SCARA5: variants seen among roughly 807,000 people sequenced by gnomAD.
SCARA5 encodes the protein scavenger receptor class A member 5, also known as scavenger receptor class A, member 5 (putative).
A neutral mutation model predicts 46.3 loss-of-function variants in SCARA5; 45 were observed. The observed-to-expected ratio is 0.97, with a 90% CI of 0.76 to 1.24. The LOEUF (loss-of-function observed/expected upper bound fraction) is 1.24, where lower values mean the gene tolerates loss of function less well. SCARA5 is among the 50% of genes most tolerant of loss of function. The pLI, the probability that SCARA5 is intolerant of heterozygous loss-of-function variation, is 0.00. For synonymous variants in SCARA5, 333 were observed against 306.5 expected (o/e 1.09, Z -0.90); for missense variants, 680 against 689.0 (o/e 0.99, Z 0.15).
At chr8:27,936,149 T>C (rs1215395101) in intron 3 of SCARA5, among the ~76,000 whole-genome samples, 1 of 152,066 alleles carries the variant, frequency 6.6e-6, no homozygotes, top group African/African-American at 2.4e-5. Flanking sequence ...ACTTTCCTTC[T>C]CTGCACAGGT....
intron 3 of SCARA5, among the ~76,000 whole-genome samples, chr8:27,929,918 G>A (rs1175954047): frequency 6.6e-6 from 1 of 152,100 alleles, no homozygotes; most frequent in Non-Finnish European, 1.5e-5. Context: ...ATCTCCAAAA[G>A]CCCTGCTGCC....
At chr8:27,882,429 T>G (rs886678449) in intron 7 of SCARA5, among the ~76,000 whole-genome samples, 11 of 152,160 alleles carry the variant, frequency 7.2e-5, no homozygotes, top group Admixed American at 6.5e-4. Flanking sequence ...ATTACCAGAT[T>G]TCTCTCCACT....
At chr8:27,884,426 C>A (rs1291747514) in intron 7 of SCARA5, among the ~76,000 whole-genome samples, 1 of 152,232 alleles carries the variant, frequency 6.6e-6, no homozygotes, top group African/African-American at 2.4e-5. Context: ...GGGGCCTTGG[C>A]CCTGGGTTGG....
At chr8:27,987,880 G>A (rs1052218412) in intron 1 of SCARA5, among the ~76,000 whole-genome samples, 1 of 152,188 alleles carries the variant, frequency 6.6e-6, no homozygotes, top group African/African-American at 2.4e-5. Context: ...CCTTTCTGAT[G>A]GTGGGATGTG....
At chr8:27,944,733 G>T (rs2129881035) in intron 3 of SCARA5, among the ~76,000 whole-genome samples, 1 of 151,018 alleles carries the variant, frequency 6.6e-6, no homozygotes, top group African/African-American at 2.4e-5. Flanking sequence ...AGCTGGGCAT[G>T]GTGGCAGTTG....
chr8:27,884,528 CAGCAAGTAG>C (rs1292586326), intron 7 of SCARA5, among the ~76,000 whole-genome samples: 1 of 152,244 alleles, frequency 6.6e-6, no homozygotes, highest in Non-Finnish European at 1.5e-5. Flanking sequence ...AGTGTGGGGT[CAGCAAGTAG>C]GGCAAGAAGT....
chr8:27,897,843 T>C (rs921485947), intron 7 of SCARA5, among the ~76,000 whole-genome samples: 4 of 152,268 alleles, frequency 2.6e-5, no homozygotes, highest in Non-Finnish European at 5.9e-5. Flanking sequence ...CCTTGTTTAT[T>C]TTCTTCCAAC....
intron 7 of SCARA5, among the ~76,000 whole-genome samples, chr8:27,896,586 T>A (rs2685373): frequency 1.3e-5 from 2 of 151,930 alleles, no homozygotes; most frequent in African/African-American, 4.8e-5. Flanking sequence ...CCGGGGTGGT[T>A]GCCTCTCAAT....
At position 27,874,818 on chromosome 8, in the gene SCARA5, G is replaced by T. The variant is rs75139157; in HGVS notation, c.1352-2748C>A. Among the ~76,000 whole-genome samples the T allele has an allele frequency of 5.7e-3, 867 of 152,240 alleles. 7 individuals are homozygous for T. Among genetic ancestry groups the T allele is most frequent in the South Asian group, 0.027 (129 of 4,816 alleles). Reference sequence around the variant, plus strand: ...TCCTTTTCCATCTGTCTGTCTCCCTGGGAGATGCTCCCAGCTGCGCTAGGT... The same window carrying T: ...TCCTTTTCCATCTGTCTGTCTCCCTTGGAGATGCTCCCAGCTGCGCTAGGT... On this transcript the variant is annotated intron_variant, in intron 8 of 8. Transcript: ENST00000354914.
intron 6 of SCARA5, 32 bp from the exon 7 acceptor site, chr8:27,904,866 T>C (rs371398598): frequency 4.6e-6 from 7 of 1,535,344 alleles, no homozygotes; most frequent in East Asian, 2.4e-5. Flanking sequence ...GCATTAGAAA[T>C]GGAAAGAAAT....
chr8:27,886,179 A>G (rs531131701), intron 7 of SCARA5: 2 of 152,546 alleles, frequency 1.3e-5, no homozygotes, highest in Non-Finnish European at 2.9e-5. Flanking sequence ...TCGGTTCATT[A>G]AGCATGGAGG....
chr8:27,899,811 C>T (rs2129730737), intron 7 of SCARA5, among the ~76,000 whole-genome samples: 1 of 152,356 alleles, frequency 6.6e-6, no homozygotes, highest in East Asian at 1.9e-4. Flanking sequence ...CATTCAACTT[C>T]CACATCCACC....
intron 7 of SCARA5, among the ~76,000 whole-genome samples, chr8:27,891,338 T>C (rs1806979167): frequency 6.6e-6 from 1 of 152,134 alleles, no homozygotes; most frequent in South Asian, 2.1e-4. Flanking sequence ...CCTGAGTAGC[T>C]GGGACTATGG....
rs1396303785 is a variant in SCARA5 at position 27,871,321 on chromosome 8, CT to C, written c.*612del. On this transcript the variant is annotated 3_prime_UTR_variant, in exon 9 of 9. Transcript: ENST00000354914. Reference sequence around the variant, plus strand: ...AGTCATTCAATGTTAGTTTCATTCCCTTCTCCAAATCTAGCTGGATTCCTGC... The same window carrying C: ...AGTCATTCAATGTTAGTTTCATTCCCTCTCCAAATCTAGCTGGATTCCTGC... 1.3e-5 allele frequency: 7 copies of C among 520,330 alleles called. No homozygotes were observed. Among genetic ancestry groups the C allele is most frequent in the Non-Finnish European group, 1.5e-5 (6 of 405,028 alleles). The allele number at this position is 520,330 out of a possible 1,614,324, so 32.2% of individuals were successfully genotyped here. A position where few individuals can be genotyped will look rare whatever the true frequency, so the allele number is the denominator to read the frequency against.
intron 3 of SCARA5, among the ~76,000 whole-genome samples, chr8:27,948,065 G>C (rs908555701): frequency 1.3e-5 from 2 of 152,066 alleles, no homozygotes; most frequent in African/African-American, 4.8e-5. Context: ...ATGGTTGCAC[G>C]GCAATGTAAA....
At chr8:27,902,269 G>T (rs1007462705) in intron 7 of SCARA5, among the ~76,000 whole-genome samples, 13 of 152,134 alleles carry the variant, frequency 8.5e-5, no homozygotes, top group African/African-American at 3.1e-4. Context: ...GTCACCTCTT[G>T]CTGTACAGTC....
At chr8:27,965,902 A>G (rs1446202192) in intron 3 of SCARA5, among the ~76,000 whole-genome samples, 1 of 152,204 alleles carries the variant, frequency 6.6e-6, no homozygotes, top group Admixed American at 6.5e-5. Context: ...GCTGGAGAAC[A>G]TGCTAGCCCT....
At chr8:27,934,482 A>G (rs1461295951) in intron 3 of SCARA5, among the ~76,000 whole-genome samples, 2 of 152,174 alleles carry the variant, frequency 1.3e-5, no homozygotes, top group Non-Finnish European at 2.9e-5. Context: ...CATCATGAGA[A>G]GAGATTACAG....
At chr8:27,884,965 C>T (rs117092054) in intron 7 of SCARA5, among the ~76,000 whole-genome samples, 219 of 151,902 alleles carry the variant, frequency 1.4e-3, no homozygotes, top group Non-Finnish European at 2.6e-3. Flanking sequence ...TGAGGGCAGG[C>T]GCCATCTTGG....
Sources: allele counts gnomAD v4.1 joint callset (sites outside exome capture counted in the v4.1 genomes callset), GRCh38; gene constraint gnomAD v4.1.1; transcripts MANE v1.5; gene names NCBI Gene and HGNC (gene_info 2026-07-23, HGNC 2026-07-21).